APBA2: variants seen among roughly 807,000 people sequenced by gnomAD.
APBA2 encodes the protein amyloid beta precursor protein binding family A member 2.
Under a neutral mutation model 75.0 loss-of-function variants are expected in APBA2, and 30 were observed. The ratio of observed to expected loss-of-function variants is 0.40; its 90% CI spans 0.30 to 0.54. The LOEUF (loss-of-function observed/expected upper bound fraction) is 0.54. Among genes scored for constraint, APBA2 ranks in the 20% least tolerant of loss-of-function variants. The pLI, the probability that APBA2 is intolerant of heterozygous loss-of-function variation, is 0.49. For synonymous variants in APBA2, 444 were observed against 409.6 expected (o/e 1.08, Z -1.01); for missense variants, 801 against 1,016.1 (o/e 0.79, Z 2.88).
chr15:28,984,833 G>A (rs552146713), intron 2 of APBA2, among the ~76,000 whole-genome samples: 45 of 142,980 alleles, frequency 3.1e-4, no homozygotes, highest in African/African-American at 1.2e-3. Flanking sequence ...GCCATCTCTG[G>A]AGGTTGGGGG....
At position 29,075,982 on chromosome 15, in the gene APBA2, T is replaced by A. The variant is rs945772069; in HGVS notation, c.1033-73T>A. 2.2e-6 allele frequency: 3 copies of A among 1,395,146 alleles called. No individual in the cohort carries two copies. In the African/African-American group the frequency reaches 4.2e-5, roughly 20 times the overall value. The allele number at this position is 1,395,146 out of a possible 1,614,324, so 86.4% of individuals were successfully genotyped here. On this transcript the variant is annotated intron_variant, in intron 5 of 14. Coordinates refer to ENST00000683413, the MANE Select transcript of APBA2 (RefSeq NM_001353788.2). Reference sequence around the variant, plus strand: ...CTCATTATGGCTCATATCACAGCCCTGCTTAGCCTTCACCTTGTGGGCTAC... The same window carrying A: ...CTCATTATGGCTCATATCACAGCCCAGCTTAGCCTTCACCTTGTGGGCTAC...
At chr15:28,926,842 A>G (rs928797889) in intron 2 of APBA2, among the ~76,000 whole-genome samples, 7 of 140,814 alleles carry the variant, frequency 5.0e-5, no homozygotes, top group Non-Finnish European at 1.5e-5. Flanking sequence ...ATTTCACTCC[A>G]CTCTCTCTCT....
intron 3 of APBA2, among the ~76,000 whole-genome samples, chr15:29,026,689 G>A (rs1219442432): frequency 1.3e-5 from 2 of 152,012 alleles, no homozygotes; most frequent in African/African-American, 2.4e-5. Flanking sequence ...TGAGGTGAGC[G>A]GATCACGAGG....
At chr15:29,051,394 TA>T (rs1429816035) in intron 3 of APBA2, among the ~76,000 whole-genome samples, 1 of 152,158 alleles carries the variant, frequency 6.6e-6, no homozygotes, top group Non-Finnish European at 1.5e-5. Flanking sequence ...TGGGCCACTC[TA>T]GGGGGAGTGC....
chr15:28,966,189 T>G (rs1226704994), intron 2 of APBA2, among the ~76,000 whole-genome samples: 1 of 152,186 alleles, frequency 6.6e-6, no homozygotes, highest in Non-Finnish European at 1.5e-5. Flanking sequence ...TGGGTTGAAT[T>G]TTCTATAAAT....
At chr15:29,110,234 G>A (rs556763255) in intron 13 of APBA2, among the ~76,000 whole-genome samples, 2 of 152,346 alleles carry the variant, frequency 1.3e-5, no homozygotes, top group African/African-American at 4.8e-5. Flanking sequence ...TGGGGACAGT[G>A]GAGGAAGCTG....
At chr15:29,116,097 C>G (rs2045107989) in intron 14 of APBA2, among the ~76,000 whole-genome samples, 1 of 152,160 alleles carries the variant, frequency 6.6e-6, no homozygotes, top group Admixed American at 6.5e-5. Context: ...GAGTCTGCTC[C>G]TTCCCAGTGT....
chr15:29,108,500 C>A, intron 13 of APBA2, 111 bp downstream of exon 13: 4 of 1,560,028 alleles, frequency 2.6e-6, no homozygotes, highest in South Asian at 1.1e-5. Context: ...TAGGACCTGG[C>A]CTGTGGTTGC....
intron 4 of APBA2, among the ~76,000 whole-genome samples, chr15:29,063,106 TC>T (rs56065533): frequency 7.6e-4 from 54 of 70,900 alleles, no homozygotes; most frequent in African/African-American, 1.7e-3. Context: ...GGAGTTGATC[TC>T]GGTCAGTGTC....
At chr15:29,068,389 G>A (rs918938172) in intron 4 of APBA2, among the ~76,000 whole-genome samples, 1 of 152,256 alleles carries the variant, frequency 6.6e-6, no homozygotes, top group African/African-American at 2.4e-5. Flanking sequence ...TTTGAGAGTT[G>A]AACAAAACCA....
Position 29,108,311 on chromosome 15 carries a change from C to T in APBA2, c.1959C>T (p.Ser653=). The change falls in exon 13 of 15, where the codon AGC becomes AGT. Residue 653 remains serine, a synonymous_variant. Coordinates refer to ENST00000683413, the MANE Select transcript of APBA2 (RefSeq NM_001353788.2). ...NQTQVKLNIV[S]CPPVTTVLIK... is the part of the protein sequence containing the mutation. ...CACAGGTGAAGCTCAACATTGTCAG[C>T]TGTCCCCCGGTCACCACGGTCCTTA... The T allele has an allele frequency of 6.2e-7, 1 of 1,614,058 alleles. No individual in the cohort carries two copies. The highest frequency in any genetic ancestry group is 1.3e-5 in the African/African-American group (1 of 75,068).
chr15:29,083,965 T>A (rs932336730), intron 6 of APBA2, among the ~76,000 whole-genome samples: 1 of 152,254 alleles, frequency 6.6e-6, no homozygotes, highest in Non-Finnish European at 1.5e-5. Context: ...AGCTCATTTA[T>A]CTTCATCGGT....
At chr15:29,115,135 G>A (rs1221828753) in intron 14 of APBA2, among the ~76,000 whole-genome samples, 2 of 151,928 alleles carry the variant, frequency 1.3e-5, no homozygotes, top group African/African-American at 2.4e-5. Context: ...GGGCCCGCTG[G>A]GGACCGGGCA....
intron 3 of APBA2, among the ~76,000 whole-genome samples, chr15:29,019,411 G>T (rs2039838485): frequency 6.6e-6 from 1 of 152,176 alleles, no homozygotes. Flanking sequence ...AGTGCATTCG[G>T]GAAGAAAATT....
intron 2 of APBA2, among the ~76,000 whole-genome samples, chr15:28,959,147 C>G (rs2036330646): frequency 6.6e-6 from 1 of 152,096 alleles, no homozygotes; most frequent in Admixed American, 6.5e-5. Flanking sequence ...TGCCGCCATG[C>G]CCAGCTAATT....
intron 2 of APBA2, among the ~76,000 whole-genome samples, chr15:28,961,785 C>T (rs1210783213): frequency 6.6e-6 from 1 of 152,164 alleles, no homozygotes; most frequent in African/African-American, 2.4e-5. Flanking sequence ...TGCCTGGGCT[C>T]CACTCCTGGA....
At chr15:28,945,864 G>T (rs751787290) in intron 2 of APBA2, among the ~76,000 whole-genome samples, 1 of 152,184 alleles carries the variant, frequency 6.6e-6, no homozygotes. Context: ...CTCCACAGAG[G>T]AGATCCTGTG....
At chr15:29,079,958 C>T (rs2043016861) in intron 6 of APBA2, among the ~76,000 whole-genome samples, 1 of 152,188 alleles carries the variant, frequency 6.6e-6, no homozygotes, top group African/African-American at 2.4e-5. Context: ...TAAGTACTTT[C>T]CCCCGTCTGA....
At position 28,953,486 on chromosome 15, in the gene APBA2, G is replaced by A. The variant is rs571316272; in HGVS notation, c.-95+31737G>A. On this transcript the variant is annotated intron_variant, in intron 2 of 14. Coordinates refer to ENST00000683413, the MANE Select transcript of APBA2 (RefSeq NM_001353788.2). ...GAACTTCTGGAAAGAGTTGTCTGCA[G>A]TGGCTTTCTCCATTTCCTCCCTTCC... Among the ~76,000 whole-genome samples the A allele has an allele frequency of 7.9e-5, 12 of 152,144 alleles. No homozygotes were observed. The South Asian group carries it at 1.5e-3, about 18-fold the overall frequency.
Sources: allele counts gnomAD v4.1 joint callset (sites outside exome capture counted in the v4.1 genomes callset), GRCh38; gene constraint gnomAD v4.1.1; transcripts MANE v1.5; gene names NCBI Gene and HGNC (gene_info 2026-07-23, HGNC 2026-07-21).